Variants in RASAL2 observed in about 807,000 individuals in gnomAD.
The protein encoded by RASAL2 is RAS protein activator like 2, also known as ras GTPase-activating protein nGAP.
Under a neutral mutation model 128.9 loss-of-function variants are expected in RASAL2, and 58 were observed. That is an observed-to-expected ratio of 0.45 (90% confidence interval 0.36 to 0.56). The LOEUF (loss-of-function observed/expected upper bound fraction) is 0.56. Ranked by LOEUF, RASAL2 falls within the 20% of genes least tolerant of loss-of-function variation. The probability of loss-of-function intolerance (pLI) is 0.00; values close to 1 mark genes in which losing one functional copy is unlikely to be tolerated. For synonymous variants in RASAL2, 561 were observed against 580.8 expected, an observed-to-expected ratio of 0.97 and a Z score of 0.49; for missense variants, 1,360 against 1,601.6, an observed-to-expected ratio of 0.85 and a Z score of 2.57.
chr1:178,207,701 C>T (rs994905655), intron 1 of RASAL2, among the ~76,000 whole-genome samples: 3 of 152,228 alleles, frequency 2.0e-5, no homozygotes, highest in African/African-American at 7.2e-5. Flanking sequence ...TTATATCATA[C>T]AGCTTATAAT....
chr1:178,118,508 T>C (rs112054476), intron 1 of RASAL2, among the ~76,000 whole-genome samples: 2,052 of 152,318 alleles, frequency 0.013, 46 homozygotes, highest in African/African-American at 0.046. Context: ...TATTCTAGCA[T>C]GGACAAAGTC....
At chr1:178,168,646 TTGAAATGCACACCGG>T (rs1277006984) in intron 1 of RASAL2, among the ~76,000 whole-genome samples, 1 of 152,110 alleles carries the variant, frequency 6.6e-6, no homozygotes, top group Non-Finnish European at 1.5e-5. Context: ...TGTAGGCTAG[TTGAAATGCACACCGG>T]GCTGTGTGTT....
intron 1 of RASAL2, among the ~76,000 whole-genome samples, chr1:178,190,835 A>G (rs1662470969): frequency 6.6e-6 from 1 of 152,068 alleles, no homozygotes; most frequent in African/African-American, 2.4e-5. Context: ...ACCTGTCCTT[A>G]GTTGAATTTG....
intron 1 of RASAL2, among the ~76,000 whole-genome samples, chr1:178,234,628 G>A (rs1438674106): frequency 6.6e-6 from 1 of 152,096 alleles, no homozygotes; most frequent in Non-Finnish European, 1.5e-5. Context: ...CTTATCTGGT[G>A]AACAATTTTG....
chr1:178,397,368 C>T lies in RASAL2; in HGVS notation c.564+7162C>T, dbSNP rs190307426. Among the ~76,000 whole-genome samples the T allele has an allele frequency of 1.1e-4, 17 of 152,178 alleles. No homozygotes were observed. In the East Asian group the frequency reaches 3.1e-3, roughly 28 times the overall value. ...AAATATTATGCTAAGTGAAAGAAGC[C>T]GTACCAAAGGCCACATGTTGTATGA... On this transcript the variant is annotated intron_variant, in intron 4 of 17. Transcript: ENST00000367649.
At chr1:178,418,412 A>G (rs763283421) in intron 4 of RASAL2, among the ~76,000 whole-genome samples, 1 of 152,192 alleles carries the variant, frequency 6.6e-6, no homozygotes, top group Non-Finnish European at 1.5e-5. Flanking sequence ...CATCATCTTC[A>G]CATTGAGCCT....
intron 4 of RASAL2, among the ~76,000 whole-genome samples, chr1:178,392,332 G>A (rs1035644090): frequency 1.3e-5 from 2 of 152,134 alleles, no homozygotes; most frequent in Non-Finnish European, 2.9e-5. Flanking sequence ...CAGGCTGTGG[G>A]AATGGCATTT....
At chr1:178,472,874 GA>G (rs2102974374) in intron 17 of RASAL2, among the ~76,000 whole-genome samples, 200 bp from the exon 18 acceptor site, 1 of 152,248 alleles carries the variant, frequency 6.6e-6, no homozygotes, top group Admixed American at 6.5e-5. Context: ...AAGAGAGAGA[GA>G]AAAAAATAAA....
chr1:178,328,406 A>G (rs1327024840), intron 3 of RASAL2, among the ~76,000 whole-genome samples: 1 of 152,196 alleles, frequency 6.6e-6, no homozygotes, highest in African/African-American at 2.4e-5. Flanking sequence ...TCTTTGTATT[A>G]TGAATATTCC....
intron 9 of RASAL2, 141 bp downstream of exon 9, chr1:178,445,803 G>A (rs1435057388): frequency 7.0e-6 from 6 of 852,744 alleles, no homozygotes; most frequent in African/African-American, 3.5e-5. Context: ...AATCATGGCT[G>A]TAAGAAGTCT....
chr1:178,117,457 G>A (rs1441158577), intron 1 of RASAL2, among the ~76,000 whole-genome samples: 1 of 152,212 alleles, frequency 6.6e-6, no homozygotes, highest in African/African-American at 2.4e-5. Context: ...AGGAAATAGT[G>A]TGATCTTATA....
intron 1 of RASAL2, among the ~76,000 whole-genome samples, chr1:178,274,483 T>C (rs927531690): frequency 6.6e-6 from 1 of 152,178 alleles, no homozygotes; most frequent in African/African-American, 2.4e-5. Flanking sequence ...CATTTTTCTG[T>C]CGGTAACAGA....
At chr1:178,164,955 A>G (rs1175472424) in intron 1 of RASAL2, among the ~76,000 whole-genome samples, 1 of 152,014 alleles carries the variant, frequency 6.6e-6, no homozygotes, top group Non-Finnish European at 1.5e-5. Flanking sequence ...AGAAAACTTT[A>G]TAACACTAAA....
chr1:178,120,235 A>G (rs977731917), intron 1 of RASAL2, among the ~76,000 whole-genome samples: 1 of 152,234 alleles, frequency 6.6e-6, no homozygotes, highest in African/African-American at 2.4e-5. Context: ...ACCTGTTGCA[A>G]TGAACTCATA....
rs72705015 is a variant in RASAL2 at position 178,111,132 on chromosome 1, A to G, written c.202+16438A>G. Among the ~76,000 whole-genome samples the G allele has an allele frequency of 9.4e-3, 1,439 of 152,280 alleles. 14 individuals carry two copies. Among genetic ancestry groups the G allele is most frequent in the Non-Finnish European group, 0.013 (913 of 68,030 alleles). ...AATAGTTAATTCCTTTGTATTGCTG[A>G]TAGTATCCCATCGATATTCTACAAT... On this transcript the variant is annotated intron_variant, in intron 1 of 17. Transcript: ENST00000367649.
chr1:178,437,444 G>A (rs2102821907), intron 5 of RASAL2, among the ~76,000 whole-genome samples: 1 of 152,180 alleles, frequency 6.6e-6, no homozygotes. Flanking sequence ...TGCACTGCCA[G>A]GTGGCTCTAC....
At chr1:178,461,168 A>T (rs1183479994) in intron 14 of RASAL2, among the ~76,000 whole-genome samples, 2 of 152,140 alleles carry the variant, frequency 1.3e-5, no homozygotes, top group Non-Finnish European at 2.9e-5. Flanking sequence ...CACTCCCATG[A>T]AGCCTCTGAA....
At chr1:178,173,950 T>C (rs1661796081) in intron 1 of RASAL2, among the ~76,000 whole-genome samples, 1 of 151,794 alleles carries the variant, frequency 6.6e-6, no homozygotes, top group Non-Finnish European at 1.5e-5. Context: ...CTTTTCTCCT[T>C]AATTCCCCCC....
At chr1:178,464,533 T>C (rs1315885730) in intron 15 of RASAL2, 121 bp downstream of exon 15, 1 of 1,142,488 alleles carries the variant, frequency 8.8e-7, no homozygotes, top group African/African-American at 1.5e-5. Flanking sequence ...CTTATGTTAA[T>C]CATCCTATAC....
Sources: allele counts gnomAD v4.1 joint callset (sites outside exome capture counted in the v4.1 genomes callset), GRCh38; gene constraint gnomAD v4.1.1; transcripts MANE v1.5; gene names NCBI Gene and HGNC (gene_info 2026-07-23, HGNC 2026-07-21).